Variants in ARHGAP21 observed in about 807,000 individuals in gnomAD.
The protein encoded by ARHGAP21 is rho GTPase-activating protein 21.
ARHGAP21 carries 38 observed loss-of-function variants against 164.6 expected under a neutral mutation model. The observed-to-expected ratio is 0.23, with a 90% CI of 0.18 to 0.30. ARHGAP21 has a LOEUF of 0.30. Ranked by LOEUF, ARHGAP21 falls within the 10% of genes least tolerant of loss-of-function variation. The probability of loss-of-function intolerance (pLI) is 1.00; values close to 1 mark genes in which losing one functional copy is unlikely to be tolerated. For synonymous variants in ARHGAP21, 766 were observed against 857.9 expected, an observed-to-expected ratio of 0.89 and a Z score of 1.87; for missense variants, 1,822 against 2,370.7, an observed-to-expected ratio of 0.77 and a Z score of 4.81.
intron 7 of ARHGAP21, among the ~76,000 whole-genome samples, chr10:24,628,737 T>C (rs1189405483): frequency 1.4e-5 from 2 of 148,116 alleles, no homozygotes; most frequent in African/African-American, 2.5e-5. Flanking sequence ...GAAAATGTTA[T>C]TTTCTTGAAT....
chr10:24,684,241 C>T (rs1291357419), intron 2 of ARHGAP21, among the ~76,000 whole-genome samples: 2 of 151,876 alleles, frequency 1.3e-5, no homozygotes, highest in Non-Finnish European at 2.9e-5. Flanking sequence ...GAGCCAAGAT[C>T]GTGCCATTGC....
intron 4 of ARHGAP21, among the ~76,000 whole-genome samples, chr10:24,658,055 T>A (rs948132499): frequency 2.4e-3 from 10 of 4,204 alleles, no homozygotes; most frequent in African/African-American, 6.1e-3. Context: ...AATAAAAAAA[T>A]AAATTAAAAA....
At chr10:24,656,243 C>A (rs1421092050) in intron 4 of ARHGAP21, among the ~76,000 whole-genome samples, 3 of 132,642 alleles carry the variant, frequency 2.3e-5, no homozygotes, top group African/African-American at 6.2e-5. Context: ...CGGCCAGCCG[C>A]CCCGTCCGGG....
intron 2 of ARHGAP21, among the ~76,000 whole-genome samples, chr10:24,672,564 C>G (rs1840815158): frequency 6.6e-6 from 1 of 152,204 alleles, no homozygotes; most frequent in African/African-American, 2.4e-5. Context: ...TGATATGTAT[C>G]TTAAACTTAA....
intron 2 of ARHGAP21, among the ~76,000 whole-genome samples, chr10:24,675,193 TAACTA>T (rs1254437871): frequency 6.6e-6 from 1 of 152,154 alleles, no homozygotes; most frequent in African/African-American, 2.4e-5. Flanking sequence ...GATGAATGGA[TAACTA>T]AACTGTGACA....
At chr10:24,622,049 T>C (rs576448456) in intron 8 of ARHGAP21, among the ~76,000 whole-genome samples, 83 of 152,302 alleles carry the variant, frequency 5.4e-4, no homozygotes, top group South Asian at 1.0e-3. Context: ...TTTAAGCTAA[T>C]GCAAAAGTAT....
chr10:24,676,461 G>A (rs1291486604), intron 2 of ARHGAP21, among the ~76,000 whole-genome samples: 1 of 152,044 alleles, frequency 6.6e-6, no homozygotes, highest in African/African-American at 2.4e-5. Flanking sequence ...TCGCATTCTC[G>A]CTTATAAGTG....
chr10:24,702,631 G>C (rs571925012), intron 2 of ARHGAP21, among the ~76,000 whole-genome samples: 1 of 151,826 alleles, frequency 6.6e-6, no homozygotes, highest in South Asian at 2.1e-4. Flanking sequence ...CTGTCACCCA[G>C]GCTGGAGTGC....
intron 2 of ARHGAP21, among the ~76,000 whole-genome samples, chr10:24,687,446 T>C (rs1425020966): frequency 6.6e-6 from 1 of 152,246 alleles, no homozygotes; most frequent in African/African-American, 2.4e-5. Context: ...GAATTGTTCT[T>C]ATTTCCTTAT....
In ARHGAP21 at chr10:24,607,759, A is replaced by T; in HGVS notation, c.2567T>A (p.Leu856His). The part of the protein sequence containing the change: ...TTSAPLIRRQ[L>H]SHDHESVGPP... ...TTTAGACGTACCGTGGTCATGTGAG[A>T]GCTGACGGCGAATTAATGGAGCTGA... Residue 856 changes from leucine (L) to histidine (H), a missense_variant, in exon 10 of 26, where the codon CTC becomes CAC. By Grantham distance (99) the Leu-to-His change is moderately conservative. This residue lies in a region of ARHGAP21 where 1,090 missense variants were observed against 1,378.9 expected (regional missense o/e 0.79). Coordinates refer to ENST00000396432, the MANE Select transcript of ARHGAP21 (RefSeq NM_020824.4). The T allele has an allele frequency of 1.9e-6, 3 of 1,613,960 alleles. No individual in the cohort carries two copies. Among genetic ancestry groups the T allele is most frequent in the Non-Finnish European group, 2.5e-6 (3 of 1,179,974 alleles).
chr10:24,657,465 G>A (rs1162816850), intron 4 of ARHGAP21, among the ~76,000 whole-genome samples: 1,513 of 92,638 alleles, frequency 0.016, no homozygotes, highest in Middle Eastern at 0.034. Flanking sequence ...CGCCCCGTCC[G>A]GGAGGTGAGG....
chr10:24,643,445 C>T (rs1593141418), intron 4 of ARHGAP21, among the ~76,000 whole-genome samples: 1 of 152,166 alleles, frequency 6.6e-6, no homozygotes, highest in East Asian at 1.9e-4. Context: ...ATTAAACTTG[C>T]TTGACTTTAT....
intron 4 of ARHGAP21, among the ~76,000 whole-genome samples, chr10:24,640,946 T>C (rs2131425877): frequency 6.6e-6 from 1 of 152,178 alleles, no homozygotes. Context: ...CCTTATTATA[T>C]TTGCAGTCAT....
intron 2 of ARHGAP21, among the ~76,000 whole-genome samples, chr10:24,692,917 T>G (rs1318686992): frequency 6.6e-6 from 1 of 151,978 alleles, no homozygotes; most frequent in East Asian, 1.9e-4. Flanking sequence ...AAACAAATTT[T>G]TAGACAATTT....
Position 24,699,339 on chromosome 10 carries a change from T to A in ARHGAP21, c.63+22498A>T, listed in dbSNP as rs536375304. ...TAGAATTATTATTATTATTATTATTTTTTTGAGATGGAGTCTCACTCGTCC... is the reference window on the plus strand; with the variant it reads ...TAGAATTATTATTATTATTATTATTATTTTGAGATGGAGTCTCACTCGTCC... On this transcript the variant is annotated intron_variant, in intron 2 of 25. Coordinates refer to ENST00000396432, the MANE Select transcript of ARHGAP21 (RefSeq NM_020824.4). Among the ~76,000 whole-genome samples the A allele has an allele frequency of 1.4e-3, 210 of 152,198 alleles. 3 individuals are homozygous for A. The highest frequency in any genetic ancestry group is 1.0e-2 in the South Asian group (48 of 4,812).
chr10:24,699,933 G>A (rs1420105781), intron 2 of ARHGAP21, among the ~76,000 whole-genome samples: 1 of 152,078 alleles, frequency 6.6e-6, no homozygotes, highest in Non-Finnish European at 1.5e-5. Context: ...ACGTTCCTGC[G>A]GCATTTTTCA....
At chr10:24,663,847 G>T (rs931465789) in intron 4 of ARHGAP21, among the ~76,000 whole-genome samples, 3 of 152,016 alleles carry the variant, frequency 2.0e-5, no homozygotes, top group Non-Finnish European at 4.4e-5. Context: ...TCTTTGTTGT[G>T]GGGGGGCTGC....
Position 24,584,433 on chromosome 10 carries a change from T to G in ARHGAP21, c.5856A>C (p.Ala1952=), listed in dbSNP as rs757281866. 6.2e-7 allele frequency: 1 copy of G among 1,610,124 alleles called. No individual in the cohort carries two copies. The stretch of plus-strand genomic sequence containing the variant: ...CAGTTTAAAGACAGGGATGAAACTC[T>G]GCTTTACTGCCTGGGGTTTCAGACA... ...HKLSETPGSK[A]EFHPCL is the part of the protein sequence containing the mutation. Residue 1952 remains alanine (A), a synonymous_variant, in exon 26 of 26, where the codon GCA becomes GCC. Transcript: ENST00000396432.
rs370251256 is a variant in ARHGAP21 at position 24,584,813 on chromosome 10, C to T, written c.5476G>A (p.Gly1826Arg). ...GCTGAAAGTTCAGATTCTCTCTCCC[C>T]GCTCTGCTCATGCACTTTCCAAAAA... is the stretch of plus-strand genomic sequence containing the variant. ...LNFWKVHEQS[G>R]ERESELSAVN... Residue 1826 changes from glycine (G) to arginine (R), a missense_variant, in exon 26 of 26, where the codon GGG becomes AGG. By Grantham distance (125) the Gly-to-Arg change is moderately radical. Coordinates refer to ENST00000396432, the MANE Select transcript of ARHGAP21 (RefSeq NM_020824.4). The T allele has an allele frequency of 2.2e-5, 36 of 1,613,828 alleles. No homozygotes were observed. The highest frequency in any genetic ancestry group is 2.2e-4 in the Admixed American group (13 of 59,996).
Sources: gnomAD v4.1 joint callset for allele counts (sites outside exome capture counted in the v4.1 genomes callset) on GRCh38, gnomAD v4.1.1 for gene constraint, gnomAD v4.1.1 regional missense constraint, MANE v1.5 for transcripts, NCBI Gene and HGNC (gene_info 2026-07-23, HGNC 2026-07-21) for gene names.